FBXL18: variants seen among roughly 807,000 people sequenced by gnomAD.
FBXL18 encodes the protein F-box and leucine rich repeat protein 18, also known as F-box/LRR-repeat protein 18.
In FBXL18, 36 loss-of-function variants were observed where a neutral mutation model predicts 46.0. The observed-to-expected ratio is 0.78, with a 90% CI of 0.60 to 1.03. The LOEUF (loss-of-function observed/expected upper bound fraction) is 1.03. FBXL18 is among the 50% of genes least tolerant of loss of function. The pLI is 0.00. For synonymous variants in FBXL18, 557 were observed against 465.3 expected, an observed-to-expected ratio of 1.20 and a Z score of -2.54; for missense variants, 977 against 1,004.1, an observed-to-expected ratio of 0.97 and a Z score of 0.36.
Position 5,505,481 on chromosome 7 carries a change from AC to A in FBXL18, c.167del (p.Cys56PhefsTer30), listed in dbSNP as rs1784371235. Reference sequence around the variant, plus strand: ...CAAGGCACAGGGCTGCAAGCTTCCGACAGGTACGCCGGACGTTCAGAATCAG... The same window carrying A: ...CAAGGCACAGGGCTGCAAGCTTCCGAAGGTACGCCGGACGTTCAGAATCAG... Reference protein sequence around the residue: ...TDLILNVRRTCRKLAALCLDK... With the variant: ...TDLILNVRRTXRKLAALCLDK... On this transcript the variant is annotated frameshift_variant, in exon 2 of 5. Transcript: ENST00000382368. LOFTEE classifies it high-confidence loss of function. 1 of 1,614,002 alleles carries A rather than the reference AC, an allele frequency of 6.2e-7. No individual in the cohort carries two copies. Among genetic ancestry groups the A allele is most frequent in the African/African-American group, 1.3e-5 (1 of 74,894 alleles).
At chr7:5,487,379 C>A (rs544531207) in intron 4 of FBXL18, among the ~76,000 whole-genome samples, 2 of 152,334 alleles carry the variant, frequency 1.3e-5, no homozygotes, top group African/African-American at 4.8e-5. Flanking sequence ...CTGGGGGAAT[C>A]CAGCTTATGT....
At position 5,505,519 on chromosome 7, in the gene FBXL18, G is replaced by A. The variant is rs1784372760; in HGVS notation, c.130C>T (p.Pro44Ser). The A allele has an allele frequency of 1.2e-6, 2 of 1,614,030 alleles. No individual in the cohort carries two copies. Among genetic ancestry groups the A allele is most frequent in the Admixed American group, 3.3e-5 (2 of 59,986 alleles). ...EILLHILSHV[P>S]STDLILNVRR... ...ACGTTCAGAATCAGATCTGTGCTGG[G>A]GACGTGACTCAGGATGTGAAGGAGG... Residue 44 changes from proline (P) to serine (S), a missense_variant, in exon 2 of 5, where the codon CCC (proline) becomes TCC (serine). Transcript: ENST00000382368.
At chr7:5,491,520 G>A in intron 3 of FBXL18, 71 bp from the exon 4 acceptor site, 1 of 1,336,604 alleles carries the variant, frequency 7.5e-7, no homozygotes, top group Non-Finnish European at 1.0e-6. Flanking sequence ...GGCGTCTGGA[G>A]GTGCTGCCAG....
intron 4 of FBXL18, among the ~76,000 whole-genome samples, chr7:5,485,916 G>A (rs1021252415): frequency 3.4e-4 from 52 of 151,516 alleles, no homozygotes; most frequent in African/African-American, 1.2e-3. Flanking sequence ...AAAATTAGCC[G>A]GGCGTGGTGG....
At chr7:5,488,830 C>G (rs1783841777) in intron 4 of FBXL18, among the ~76,000 whole-genome samples, 1 of 152,344 alleles carries the variant, frequency 6.6e-6, no homozygotes, top group South Asian at 2.1e-4. Context: ...CCTCTCGGTA[C>G]CACAGCCTCA....
chr7:5,512,087 AC>A (rs1421863862), intron 1 of FBXL18, among the ~76,000 whole-genome samples: 3 of 147,996 alleles, frequency 2.0e-5, no homozygotes, highest in South Asian at 4.3e-4. Flanking sequence ...AAAAAAAAAA[AC>A]CAAAAAATTA....
At position 5,491,365 on chromosome 7, in the gene FBXL18, G is replaced by C. The variant is rs1584217888; in HGVS notation, c.1866C>G (p.Val622=). The change falls in exon 4 of 5, where the codon GTC becomes GTG. Residue 622 remains valine, a synonymous_variant. Transcript: ENST00000382368. ...CGGGCTGGAGGGTGCCGCTGCGAGA[G>C]ACCAGGCACAGGCGCTGCAGCGAGG... ...QCPSLQRLCL[V]SRSGTLQPDA... is the part of the protein sequence containing the mutation. 2 of 1,610,272 alleles carry C rather than the reference G, an allele frequency of 1.2e-6. No individual in the cohort carries two copies. The highest frequency in any genetic ancestry group is 4.5e-5 in the East Asian group (2 of 44,806).
At chr7:5,487,503 C>G (rs980214209) in intron 4 of FBXL18, among the ~76,000 whole-genome samples, 2 of 152,218 alleles carry the variant, frequency 1.3e-5, no homozygotes, top group Non-Finnish European at 2.9e-5. Context: ...CCCTGGATGG[C>G]CCTGCACAGT....
In FBXL18 at chr7:5,496,348, C is replaced by T. The variant is rs891191884; in HGVS notation, c.1781+4140G>A. ...CTGCCTCTTGCTTCCGGAACACCCCCTCCCTCCGGCCAGTGCCTCCCTTGC... is the reference window on the plus strand; with the variant it reads ...CTGCCTCTTGCTTCCGGAACACCCCTTCCCTCCGGCCAGTGCCTCCCTTGC... On this transcript the variant is annotated intron_variant, in intron 3 of 4. Coordinates refer to ENST00000382368, the MANE Select transcript of FBXL18 (RefSeq NM_024963.6). The surrounding 1 kb of genome is among the most constrained non-coding windows in gnomAD (Gnocchi z 4.8). Among the ~76,000 whole-genome samples, 4 of 152,212 alleles carry T rather than the reference C, an allele frequency of 2.6e-5. No individual in the cohort carries two copies. Among genetic ancestry groups the T allele is most frequent in the Non-Finnish European group, 5.9e-5 (4 of 68,046 alleles).
chr7:5,501,264 G>C lies in FBXL18; in HGVS notation c.1005C>G (p.Val335=). ...TLSGGHLIQQ[V]INGGKDLRSL... ...TCCGCAGGTCCTTCCCGCCGTTGAT[G>C]ACCTGCTGGATCAGATGGCCGCCTG... Residue 335 remains valine (V), a synonymous_variant, in exon 3 of 5, where the codon GTC becomes GTG. Transcript: ENST00000382368. 6.2e-7 allele frequency: 1 copy of C among 1,614,106 alleles called. No homozygotes were observed. Among genetic ancestry groups the C allele is most frequent in the Non-Finnish European group, 8.5e-7 (1 of 1,180,008 alleles).
At chr7:5,507,019 A>T (rs1784411102) in intron 1 of FBXL18, among the ~76,000 whole-genome samples, 1 of 152,246 alleles carries the variant, frequency 6.6e-6, no homozygotes, top group African/African-American at 2.4e-5. Flanking sequence ...AAAGGAAGGC[A>T]GAAGGCTTTA....
chr7:5,502,551 C>T (rs1049845565), intron 2 of FBXL18, among the ~76,000 whole-genome samples: 1 of 147,956 alleles, frequency 6.8e-6, no homozygotes, highest in Non-Finnish European at 1.5e-5. Context: ...AAAAAAAAGG[C>T]CGGGCCCGGT....
chr7:5,510,258 G>A (rs139663446), intron 1 of FBXL18, among the ~76,000 whole-genome samples: 390 of 139,280 alleles, frequency 2.8e-3, no homozygotes, highest in Middle Eastern at 0.02. Context: ...AGCCAAGATC[G>A]CACCACTGCA....
intron 1 of FBXL18, 73 bp from the exon 2 acceptor site, chr7:5,505,703 A>T (rs532817800): frequency 8.4e-7 from 1 of 1,186,052 alleles, no homozygotes; most frequent in South Asian, 1.3e-5. Context: ...AGCTAGGCAG[A>T]GAAGCAAAGA....
intron 4 of FBXL18, among the ~76,000 whole-genome samples, chr7:5,490,694 G>A (rs1032181803): frequency 6.6e-6 from 1 of 152,246 alleles, no homozygotes; most frequent in African/African-American, 2.4e-5. Flanking sequence ...GCTGGGTGCG[G>A]TGGCTCATGC....
chr7:5,487,751 AGG>A (rs1355232254), intron 4 of FBXL18, among the ~76,000 whole-genome samples: 1 of 152,206 alleles, frequency 6.6e-6, no homozygotes, highest in East Asian at 1.9e-4. Flanking sequence ...CACACACGGG[AGG>A]CACACTGCGA....
At chr7:5,482,935 G>A (rs1008379734) in intron 4 of FBXL18, among the ~76,000 whole-genome samples, 1 of 152,004 alleles carries the variant, frequency 6.6e-6, no homozygotes, top group Non-Finnish European at 1.5e-5. Context: ...CTACTTGGGA[G>A]GCTGAGGCAG....
At chr7:5,461,276 C>A (rs969259346) in intron 4 of FBXL18, among the ~76,000 whole-genome samples, 2 of 152,222 alleles carry the variant, frequency 1.3e-5, no homozygotes, top group Non-Finnish European at 2.9e-5. Context: ...GCTGCATTTT[C>A]TTCCTTCCAG....
downstream of FBXL18, among the ~76,000 whole-genome samples, chr7:5,474,699 T>G: frequency 6.8e-6 from 1 of 147,000 alleles, no homozygotes; most frequent in South Asian, 2.1e-4. Context: ...TATTTATTTA[T>G]TTATTTATTT....
Sources: allele counts gnomAD v4.1 joint callset (sites outside exome capture counted in the v4.1 genomes callset), GRCh38; gene constraint gnomAD v4.1.1; non-coding constraint Gnocchi (gnomAD v3.1); transcripts MANE v1.5; gene names NCBI Gene and HGNC (gene_info 2026-07-23, HGNC 2026-07-21).